KIF16B: variants seen among roughly 807,000 people sequenced by gnomAD.
KIF16B encodes the protein kinesin-like protein KIF16B.
KIF16B carries 98 observed loss-of-function variants against 156.3 expected under a neutral mutation model. The observed-to-expected ratio is 0.63, with a 90% CI of 0.53 to 0.74. The LOEUF (loss-of-function observed/expected upper bound fraction) is 0.74, where lower values mean the gene tolerates loss of function less well. KIF16B is among the 30% of genes least tolerant of loss of function. KIF16B has a pLI of 0.00. For missense variants in KIF16B, 1,421 were observed against 1,606.5 expected, an observed-to-expected ratio of 0.88 and a Z score of 1.97; for synonymous variants, 564 against 583.7, an observed-to-expected ratio of 0.97 and a Z score of 0.49.
At chr20:16,382,993 C>G (rs982699613) in intron 17 of KIF16B, among the ~76,000 whole-genome samples, 2 of 152,052 alleles carry the variant, frequency 1.3e-5, no homozygotes, top group African/African-American at 4.8e-5. Flanking sequence ...TGGTGGATTT[C>G]GTTTTGGTAT....
chr20:16,573,166 G>A, intron 1 of KIF16B, 63 bp downstream of exon 1: 1 of 1,471,064 alleles, frequency 6.8e-7, no homozygotes, highest in Non-Finnish European at 9.3e-7. Flanking sequence ...TGGGGGAGCT[G>A]GAAACAGGCT....
Position 16,379,831 on chromosome 20 carries a change from A to C in KIF16B, c.2171T>G (p.Phe724Cys), listed in dbSNP as rs1436578009. The stretch of plus-strand genomic sequence containing the variant: ...CTGGTCCAGTTCTTGAAATATCTGA[A>C]ACTTCTCAGCCTTCTCGTTGTTGTT... The part of the protein sequence containing the change: ...ELNNNEKAEK[F>C]QIFQELDQLQ... The change falls in exon 19 of 26, where the codon TTT becomes TGT. Residue 724 changes from phenylalanine (F) to cysteine (C), a missense_variant. Physicochemically the swap from Phe to Cys is radical, Grantham distance 205. Transcript: ENST00000354981. The C allele has an allele frequency of 6.2e-7, 1 of 1,614,006 alleles. No individual in the cohort carries two copies. Among genetic ancestry groups the C allele is most frequent in the Admixed American group, 1.7e-5 (1 of 60,010 alleles).
intron 1 of KIF16B, among the ~76,000 whole-genome samples, chr20:16,535,930 G>A (rs2069942834): frequency 6.6e-6 from 1 of 152,122 alleles, no homozygotes; most frequent in Non-Finnish European, 1.5e-5. Context: ...ACAGAATGGA[G>A]ATTTCTTTAA....
chr20:16,438,044 G>A (rs1462621923), intron 12 of KIF16B, among the ~76,000 whole-genome samples: 1 of 151,884 alleles, frequency 6.6e-6, no homozygotes, highest in Non-Finnish European at 1.5e-5. Context: ...CTACTTGAGA[G>A]GCTGAGGCAG....
intron 22 of KIF16B, among the ~76,000 whole-genome samples, chr20:16,366,316 G>T (rs542263907): frequency 2.0e-5 from 3 of 152,306 alleles, no homozygotes; most frequent in African/African-American, 7.2e-5. Context: ...GATGCCAGAG[G>T]AAGGTACCTC....
At chr20:16,410,703 T>A (rs878989550) in intron 15 of KIF16B, among the ~76,000 whole-genome samples, 3 of 152,126 alleles carry the variant, frequency 2.0e-5, no homozygotes, top group Non-Finnish European at 4.4e-5. Flanking sequence ...CATTCCTGAT[T>A]CTGAATTATA....
chr20:16,312,468 G>T (rs1427701657), intron 24 of KIF16B, 50 bp from the exon 25 acceptor site: 3 of 1,272,822 alleles, frequency 2.4e-6, no homozygotes, highest in South Asian at 1.2e-5. Context: ...CCTGTTAATT[G>T]TTGGGCTATT....
At chr20:16,462,825 T>C (rs1269583635) in intron 12 of KIF16B, among the ~76,000 whole-genome samples, 1 of 152,072 alleles carries the variant, frequency 6.6e-6, no homozygotes, top group African/African-American at 2.4e-5. Context: ...GCTGTGCCAA[T>C]AGCAAAAGGC....
At chr20:16,391,431 A>C (rs1485733212) in intron 17 of KIF16B, among the ~76,000 whole-genome samples, 2 of 152,316 alleles carry the variant, frequency 1.3e-5, no homozygotes, top group East Asian at 3.9e-4. Context: ...AGCAAAAGAA[A>C]TCAAGTCTCT....
At chr20:16,367,098 T>G in intron 22 of KIF16B, 1 of 1,496,562 alleles carries the variant, frequency 6.7e-7, no homozygotes, top group Non-Finnish European at 8.9e-7. Flanking sequence ...ATGCTTATTT[T>G]ATTAATGATC....
intron 12 of KIF16B, among the ~76,000 whole-genome samples, chr20:16,478,003 G>A (rs1381604431): frequency 6.6e-6 from 1 of 152,140 alleles, no homozygotes; most frequent in Non-Finnish European, 1.5e-5. Context: ...AGAAGGTACC[G>A]ATGGGCATCT....
At chr20:16,403,227 G>T (rs537767783) in intron 17 of KIF16B, among the ~76,000 whole-genome samples, 15 of 152,258 alleles carry the variant, frequency 9.9e-5, no homozygotes, top group African/African-American at 2.9e-4. Context: ...AATTTAACTA[G>T]ACAAACAATA....
intron 1 of KIF16B, among the ~76,000 whole-genome samples, chr20:16,556,070 C>T (rs151330014): frequency 6.6e-6 from 1 of 152,284 alleles, no homozygotes; most frequent in Non-Finnish European, 1.5e-5. Context: ...CAACACTGGG[C>T]CACTCATTAG....
At chr20:16,366,841 CA>C in intron 22 of KIF16B, 1 of 1,080,440 alleles carries the variant, frequency 9.3e-7, no homozygotes, top group Non-Finnish European at 1.1e-6. Flanking sequence ...GACACGAAAA[CA>C]AACAATCAGA....
At chr20:16,447,389 C>T (rs1237234499) in intron 12 of KIF16B, among the ~76,000 whole-genome samples, 4 of 151,566 alleles carry the variant, frequency 2.6e-5, no homozygotes, top group East Asian at 3.9e-4. Flanking sequence ...GATCGTGGGG[C>T]GTGGGGTAAA....
At chr20:16,549,317 T>A (rs2070546597) in intron 1 of KIF16B, among the ~76,000 whole-genome samples, 1 of 151,978 alleles carries the variant, frequency 6.6e-6, no homozygotes, top group Non-Finnish European at 1.5e-5. Context: ...TGCGATAGTT[T>A]ACTGAGAATG....
intron 23 of KIF16B, among the ~76,000 whole-genome samples, chr20:16,338,940 G>A (rs546143772): frequency 5.7e-4 from 87 of 152,218 alleles, no homozygotes; most frequent in Non-Finnish European, 5.9e-5. Context: ...AGGGAATAAT[G>A]GGAAGAAATT....
At chr20:16,288,743 G>GT (rs1297274327) in intron 25 of KIF16B, among the ~76,000 whole-genome samples, 19 of 149,590 alleles carry the variant, frequency 1.3e-4, no homozygotes, top group Middle Eastern at 7.2e-3. Flanking sequence ...TGATGATAAG[G>GT]TTATTGGGAT....
intron 1 of KIF16B, among the ~76,000 whole-genome samples, chr20:16,562,425 A>G (rs1164189052): frequency 6.7e-6 from 1 of 149,402 alleles, no homozygotes; most frequent in African/African-American, 2.6e-5. Flanking sequence ...GTCACCCCTC[A>G]CGTCTTCCTA....
Sources: gnomAD v4.1 joint callset for allele counts (sites outside exome capture counted in the v4.1 genomes callset) on GRCh38, gnomAD v4.1.1 for gene constraint, MANE v1.5 for transcripts, NCBI Gene and HGNC (gene_info 2026-07-23, HGNC 2026-07-21) for gene names.